The following GAD1 variants were observed in gnomAD, a reference collection of about 807,000 sequenced individuals.
GAD1 encodes 67 kDa glutamic acid decarboxylase.
In GAD1, 35 loss-of-function variants were observed where a neutral mutation model predicts 75.2. The observed-to-expected ratio is 0.47, with a 90% CI of 0.36 to 0.62. GAD1 has a LOEUF of 0.62. Ranked by LOEUF, GAD1 falls within the 20% of genes least tolerant of loss-of-function variation. The pLI is 0.00. For synonymous variants in GAD1, 257 were observed against 271.9 expected (o/e 0.95, Z 0.54); for missense variants, 490 against 758.5 (o/e 0.65, Z 4.16).
intron 12 of GAD1, among the ~76,000 whole-genome samples, chr2:170,851,013 TAAAAAAAAAAG>T (rs1354656291): frequency 6.9e-5 from 10 of 144,074 alleles, no homozygotes; most frequent in Non-Finnish European, 1.5e-5. Flanking sequence ...GACTCTGTCT[TAAAAAAAAAAG>T]AAAAAAAAAA....
At chr2:170,850,380 C>T (rs1052434491) in intron 12 of GAD1, among the ~76,000 whole-genome samples, 5 of 152,068 alleles carry the variant, frequency 3.3e-5, no homozygotes, top group Admixed American at 6.5e-5. Context: ...GCAGATACTG[C>T]GATAAAGGGA....
intron 6 of GAD1, chr2:170,843,831 G>T: frequency 1.8e-6 from 1 of 563,108 alleles, no homozygotes; most frequent in Non-Finnish European, 3.2e-6. Context: ...TCACAGGGCT[G>T]GCACTTCCAC....
Position 170,818,333 on chromosome 2 carries a change from C to G in GAD1, c.-63-196C>G. 3 of 481,848 alleles carry G rather than the reference C, an allele frequency of 6.2e-6. No individual in the cohort carries two copies. The highest frequency in any genetic ancestry group is 1.1e-5 in the Non-Finnish European group (3 of 260,884). 29.8% of individuals were successfully genotyped at this position (481,848 alleles called of 1,614,324 possible). On this transcript the variant is annotated intron_variant, in intron 1 of 16. Coordinates refer to ENST00000358196, the MANE Select transcript of GAD1 (RefSeq NM_000817.3). The surrounding 1 kb of genome is among the most constrained non-coding windows in gnomAD (Gnocchi z 5.9). ...GGGCTACGCTCCCTGCGCCCCAGTA[C>G]CGGAGCTAGCGCGCACGTCTCCTCC...
intron 3 of GAD1, among the ~76,000 whole-genome samples, chr2:170,827,975 T>C (rs1702063351): frequency 6.6e-6 from 1 of 152,216 alleles, no homozygotes; most frequent in African/African-American, 2.4e-5. Flanking sequence ...CTGTGAGCAT[T>C]ACCTGGTGCT....
chr2:170,852,285 C>G (rs1317877417), intron 12 of GAD1, among the ~76,000 whole-genome samples: 1 of 152,046 alleles, frequency 6.6e-6, no homozygotes, highest in African/African-American at 2.4e-5. Flanking sequence ...TTATTTTGTC[C>G]TTTATTCAAT....
intron 5 of GAD1, among the ~76,000 whole-genome samples, chr2:170,833,710 T>G (rs1050845007): frequency 1.3e-5 from 2 of 152,218 alleles, no homozygotes; most frequent in African/African-American, 4.8e-5. Context: ...CATCTTGTGG[T>G]CAGAGAAAGC....
At chr2:170,859,181 C>G (rs1424636024) in intron 16 of GAD1, among the ~76,000 whole-genome samples, 2 of 152,172 alleles carry the variant, frequency 1.3e-5, no homozygotes, top group Non-Finnish European at 2.9e-5. Context: ...GAATAATGTG[C>G]ATATTCCTAG....
intron 6 of GAD1, among the ~76,000 whole-genome samples, chr2:170,838,806 A>G (rs1702432314): frequency 6.6e-6 from 1 of 152,240 alleles, no homozygotes; most frequent in South Asian, 2.1e-4. Context: ...TGTCCCAGCC[A>G]TCTGAGGTCA....
At chr2:170,840,186 A>G (rs1162769657) in intron 6 of GAD1, among the ~76,000 whole-genome samples, 1 of 152,200 alleles carries the variant, frequency 6.6e-6, no homozygotes, top group East Asian at 1.9e-4. Context: ...AAGACTAAAA[A>G]TGGCTCCAGT....
At chr2:170,829,728 A>G in intron 4 of GAD1, 95 bp downstream of exon 4, 1 of 1,372,896 alleles carries the variant, frequency 7.3e-7, no homozygotes, top group South Asian at 1.2e-5. Context: ...TTTATCAAGA[A>G]ATGTCATTAT....
chr2:170,829,496 G>T lies in GAD1; in HGVS notation c.167G>T (p.Ser56Ile). 4 of 1,613,492 alleles carry T rather than the reference G, an allele frequency of 2.5e-6. No homozygotes were observed. Among genetic ancestry groups the T allele is most frequent in the Non-Finnish European group, 3.4e-6 (4 of 1,180,026 alleles). Residue 56 changes from serine (S) to isoleucine (I), a missense_variant, in exon 4 of 17, where the codon AGC becomes ATC. Transcript: ENST00000358196. ...KICGFLQRTNSLEEKSRLVSA... is the reference protein window; with the variant it reads ...KICGFLQRTNILEEKSRLVSA... Reference sequence around the variant, plus strand: ...ATAGGCTTCTTGCAAAGGACCAACAGCCTGGAAGAGAAGAGTCGCCTTGTG... The same window carrying T: ...ATAGGCTTCTTGCAAAGGACCAACATCCTGGAAGAGAAGAGTCGCCTTGTG...
chr2:170,858,913 C>G lies in GAD1; in HGVS notation c.1611+20C>G. On this transcript the variant is annotated intron_variant, in intron 16 of 16. Coordinates refer to ENST00000358196, the MANE Select transcript of GAD1 (RefSeq NM_000817.3). Reference sequence around the variant, plus strand: ...CACAAGGTATGGACTTGCTTTTTGTCTCATCTAATCCTCTGCAATTTCTCT... The same window carrying G: ...CACAAGGTATGGACTTGCTTTTTGTGTCATCTAATCCTCTGCAATTTCTCT... The G allele has an allele frequency of 6.3e-7, 1 of 1,597,734 alleles. No homozygotes were observed. The highest frequency in any genetic ancestry group is 2.2e-5 in the East Asian group (1 of 44,776).
At chr2:170,851,478 T>G (rs1028220843) in intron 12 of GAD1, among the ~76,000 whole-genome samples, 1 of 152,182 alleles carries the variant, frequency 6.6e-6, no homozygotes, top group Non-Finnish European at 1.5e-5. Context: ...TCTTCAGACC[T>G]TCCTCTCTTC....
intron 10 of GAD1, among the ~76,000 whole-genome samples, chr2:170,847,167 C>T (rs45506192): frequency 0.021 from 3,260 of 152,256 alleles, 129 homozygotes; most frequent in Admixed American, 0.1. Context: ...AATAATTGAA[C>T]CCCACAATGT....
intron 10 of GAD1, among the ~76,000 whole-genome samples, chr2:170,846,307 G>A (rs994031558): frequency 6.6e-6 from 1 of 152,194 alleles, no homozygotes; most frequent in Non-Finnish European, 1.5e-5. Flanking sequence ...ATTGTGCCAA[G>A]TGATTGGTTT....
chr2:170,814,987 G>A (rs982510061), upstream of GAD1, among the ~76,000 whole-genome samples: 5 of 152,176 alleles, frequency 3.3e-5, no homozygotes, highest in Admixed American at 2.0e-4. Flanking sequence ...GCTGGACAAT[G>A]AAGAACGAGG....
intron 6 of GAD1, among the ~76,000 whole-genome samples, chr2:170,837,825 T>C (rs1390858447): frequency 2.6e-5 from 4 of 152,224 alleles, no homozygotes; most frequent in South Asian, 4.1e-4. Flanking sequence ...GAAAAGTAGA[T>C]TCCAAAAAAT....
chr2:170,845,876 T>C (rs1702620362), intron 9 of GAD1, 91 bp downstream of exon 9: 1 of 1,458,320 alleles, frequency 6.9e-7, no homozygotes, highest in Non-Finnish European at 9.6e-7. Flanking sequence ...ACTGGCTCAG[T>C]ACATTGTGCC....
chr2:170,830,008 A>C, intron 4 of GAD1: 1 of 290,354 alleles, frequency 3.4e-6, no homozygotes, highest in Admixed American at 5.0e-5. Context: ...ACACTATGGG[A>C]AGTTGCATGC....
Sources: allele counts gnomAD v4.1 joint callset (sites outside exome capture counted in the v4.1 genomes callset), GRCh38; gene constraint gnomAD v4.1.1; non-coding constraint Gnocchi (gnomAD v3.1); transcripts MANE v1.5; gene names NCBI Gene and HGNC (gene_info 2026-07-23, HGNC 2026-07-21).